Variants in TYRO3 observed in about 807,000 individuals in gnomAD.
TYRO3 encodes the protein TYRO3 protein tyrosine kinase, also known as tyrosine-protein kinase receptor TYRO3.
TYRO3 carries 38 observed loss-of-function variants against 95.2 expected under a neutral mutation model. That is an observed-to-expected ratio of 0.40 (90% CI 0.31 to 0.52). TYRO3 has a LOEUF of 0.52. Among genes scored for constraint, TYRO3 ranks in the 20% least tolerant of loss-of-function variants. TYRO3 has a pLI of 0.56. For missense variants in TYRO3, 812 were observed against 1,116.4 expected, an observed-to-expected ratio of 0.73 and a Z score of 3.89; for synonymous variants, 367 against 432.9, an observed-to-expected ratio of 0.85 and a Z score of 1.89.
Position 41,561,633 on chromosome 15 carries a change from G to A in TYRO3, c.403G>A (p.Val135Ile). 6.4e-7 allele frequency: 1 copy of A among 1,573,500 alleles called. No homozygotes were observed. Among genetic ancestry groups the A allele is most frequent in the Non-Finnish European group, 8.6e-7 (1 of 1,159,730 alleles). The change falls in exon 3 of 19, where the codon GTA becomes ATA. Residue 135 changes from valine (V) to isoleucine (I), a missense_variant. Transcript: ENST00000263798. ...TEISQPVWLT[V>I]EGVPFFTVEP... ...GATCTCCCAGCCAGTGTGGCTCACG[G>A]TAGAAGGTGAGGAGGCAGAGCCATA...
chr15:41,573,444 C>G lies in TYRO3; in HGVS notation c.2122C>G (p.Leu708Val), dbSNP rs1389938260. The G allele has an allele frequency of 6.2e-7, 1 of 1,614,140 alleles. No homozygotes were observed. The highest frequency in any genetic ancestry group is 8.5e-7 in the Non-Finnish European group (1 of 1,180,066). ...GGCCCTGGAGAGCCTGGCCGACAAC[C>G]TGTATACTGTGCAGAGTGACGTGGT... Reference protein sequence around the residue: ...WLALESLADNLYTVQSDVWAF... With the variant: ...WLALESLADNVYTVQSDVWAF... The change falls in exon 17 of 19, where the codon CTG becomes GTG. Residue 708 changes from leucine (L) to valine (V), a missense_variant. Leu to Val is a conservative substitution (Grantham distance 32). Coordinates refer to ENST00000263798, the MANE Select transcript of TYRO3 (RefSeq NM_006293.4).
chr15:41,561,272 C>T lies in TYRO3; in HGVS notation c.270C>T (p.Tyr90=), dbSNP rs769734698. Residue 90 remains tyrosine, a synonymous_variant, in exon 2 of 19, where the codon TAC becomes TAT. Transcript: ENST00000263798. ...TGGTCCAGAACTTGGACCAGTTGTACATCCCAGTCAGCGAGCAGCACTGGA... is the reference window on the plus strand; with the variant it reads ...TGGTCCAGAACTTGGACCAGTTGTATATCCCAGTCAGCGAGCAGCACTGGA... ...GAVVQNLDQL[Y]IPVSEQHWIG... is the part of the protein sequence containing the mutation. The T allele has an allele frequency of 6.2e-7, 1 of 1,614,052 alleles. No individual in the cohort carries two copies. Among genetic ancestry groups the T allele is most frequent in the Non-Finnish European group, 8.5e-7 (1 of 1,179,912 alleles).
rs2052126652 is a variant in TYRO3 at position 41,559,242 on chromosome 15, T to TGCG, written c.-12_-10dup. The TGCG allele has an allele frequency of 2.8e-6, 1 of 355,994 alleles. No individual in the cohort carries two copies. Among genetic ancestry groups the TGCG allele is most frequent in the Non-Finnish European group, 4.7e-6 (1 of 214,256 alleles). The allele number at this position is 355,994 out of a possible 1,614,324, so 22.1% of individuals were successfully genotyped here. A position where few individuals can be genotyped will look rare whatever the true frequency, so the allele number is the denominator to read the frequency against. On this transcript the variant is annotated 5_prime_UTR_variant, in exon 1 of 19. Coordinates refer to ENST00000263798, the MANE Select transcript of TYRO3 (RefSeq NM_006293.4). ...CGCTCGCGGGCCGGGCCCGGCATGG[T>TGCG]GCGGCGTCGCCGCCGATGGCGCTGA...
rs1379007474 is a variant in TYRO3 at position 41,580,581 on chromosome 15, T to C, written c.*2305T>C. ...CCCACCACCTAGAGATAATCACCATTGATCTTTTGAAAATGCAAATATTCA... is the reference window on the plus strand; with the variant it reads ...CCCACCACCTAGAGATAATCACCATCGATCTTTTGAAAATGCAAATATTCA... On this transcript the variant is annotated 3_prime_UTR_variant, in exon 19 of 19. Transcript: ENST00000263798. 6.6e-6 allele frequency: 1 copy of C among 151,380 alleles called. No homozygotes were observed. The highest frequency in any genetic ancestry group is 2.4e-5 in the African/African-American group (1 of 41,274). 9.4% of individuals were successfully genotyped at this position (151,380 alleles called of 1,614,324 possible).
rs926844603 is a variant in TYRO3 at position 41,559,323 on chromosome 15, G to T, written c.66G>T (p.Arg22=). Residue 22 remains arginine, a synonymous_variant, in exon 1 of 19, where the codon CGG becomes CGT. Coordinates refer to ENST00000263798, the MANE Select transcript of TYRO3 (RefSeq NM_006293.4). ...CGCTGCCGCTGCCGCCGCCACCGCG[G>T]CTCGGGCTGCTGCTGGCGGCTCTGG... ...LPPLPLPPPP[R]LGLLLAALAS... is the part of the protein sequence containing the mutation. The T allele has an allele frequency of 1.2e-5, 6 of 503,622 alleles. No individual in the cohort carries two copies. The highest frequency in any genetic ancestry group is 1.5e-5 in the Non-Finnish European group (5 of 333,048). 31.2% of individuals were successfully genotyped at this position (503,622 alleles called of 1,614,324 possible).
intron 18 of TYRO3, among the ~76,000 whole-genome samples, chr15:41,576,447 C>T (rs930627040): frequency 6.6e-6 from 1 of 152,010 alleles, no homozygotes; most frequent in African/African-American, 2.4e-5. Flanking sequence ...CCCACCTTGG[C>T]CTCCCAAAGG....
At position 41,568,451 on chromosome 15, in the gene TYRO3, T is replaced by C. The variant is rs1031084175; in HGVS notation, c.1107+89T>C. ...TTTAAGAATTTCAAAATGATTGTCT[T>C]TGGTGGGCCTGGGTCTCCCGCAGCC... On this transcript the variant is annotated intron_variant, in intron 8 of 18. Transcript: ENST00000263798. 8.0e-6 allele frequency: 11 copies of C among 1,383,170 alleles called. No individual in the cohort carries two copies. In the Admixed American group the frequency reaches 1.4e-4, roughly 17 times the overall value. The allele number at this position is 1,383,170 out of a possible 1,614,324, so 85.7% of individuals were successfully genotyped here.
chr15:41,573,271 G>C, intron 16 of TYRO3, 37 bp from the exon 17 acceptor site: 6 of 1,470,908 alleles, frequency 4.1e-6, no homozygotes, highest in Non-Finnish European at 5.6e-6. Flanking sequence ...TGTGAGCATG[G>C]CAGAAGGCTG....
At position 41,582,998 on chromosome 15, in the gene TYRO3, T is replaced by TTTTTTTTTTTG. The variant is rs1402071778; in HGVS notation, c.*4732_*4733insGTTTTTTTTTT. On this transcript the variant is annotated 3_prime_UTR_variant, in exon 19 of 19. Coordinates refer to ENST00000263798, the MANE Select transcript of TYRO3 (RefSeq NM_006293.4). Reference sequence around the variant, plus strand: ...ACTGCACCTGGCAAATTTTTAAGTGTTTTTTTTTTTTTTTAATACAGAGCC... The same window carrying TTTTTTTTTTTG: ...ACTGCACCTGGCAAATTTTTAAGTGTTTTTTTTTTTGTTTTTTTTTTTTTTAATACAGAGCC... 6 of 78,410 alleles carry TTTTTTTTTTTG rather than the reference T, an allele frequency of 7.7e-5. No individual in the cohort carries two copies. The highest frequency in any genetic ancestry group is 2.9e-4 in the African/African-American group (6 of 20,382). The allele number at this position is 78,410 out of a possible 1,614,324, so 4.9% of individuals were successfully genotyped here. A position where few individuals can be genotyped will look rare whatever the true frequency, so the allele number is the denominator to read the frequency against.
Position 41,578,591 on chromosome 15 carries a change from T to C in TYRO3, c.*315T>C. The stretch of plus-strand genomic sequence containing the variant: ...TGGTTACCATGGGTGTGGATGGCAG[T>C]GTGGGGAGGGCAGGTCCAGCTCTGT... On this transcript the variant is annotated 3_prime_UTR_variant, in exon 19 of 19. Transcript: ENST00000263798. The C allele has an allele frequency of 2.3e-6, 1 of 434,030 alleles. No individual in the cohort carries two copies. The highest frequency in any genetic ancestry group is 2.6e-5 in the South Asian group (1 of 38,246). The allele number at this position is 434,030 out of a possible 1,614,324, so 26.9% of individuals were successfully genotyped here. A position where few individuals can be genotyped will look rare whatever the true frequency, so the allele number is the denominator to read the frequency against.
rs777885537 is a variant in TYRO3 at position 41,578,358 on chromosome 15, C to T, written c.*82C>T. ...CTGACTAAGCCCCGTCTGACCCCAG[C>T]CCAGACAGCAAGGTGTGGAGGCTCC... On this transcript the variant is annotated 3_prime_UTR_variant, in exon 19 of 19. Coordinates refer to ENST00000263798, the MANE Select transcript of TYRO3 (RefSeq NM_006293.4). 10 of 1,549,438 alleles carry T rather than the reference C, an allele frequency of 6.5e-6. No homozygotes were observed. Among genetic ancestry groups the T allele is most frequent in the Admixed American group, 1.8e-5 (1 of 55,570 alleles).
intron 6 of TYRO3, among the ~76,000 whole-genome samples, chr15:41,565,991 G>T (rs746212409): frequency 6.6e-6 from 1 of 152,122 alleles, no homozygotes; most frequent in Non-Finnish European, 1.5e-5. Flanking sequence ...GGCAGGAGGG[G>T]CCCCTGCTCT....
chr15:41,565,877 G>A (rs554546793), intron 6 of TYRO3, among the ~76,000 whole-genome samples: 4 of 152,240 alleles, frequency 2.6e-5, no homozygotes, highest in Non-Finnish European at 5.9e-5. Context: ...ACTGTGTAAG[G>A]TGATACTAAA....
At chr15:41,572,772 G>T (rs933405621) in intron 15 of TYRO3, among the ~76,000 whole-genome samples, 1 of 152,222 alleles carries the variant, frequency 6.6e-6, no homozygotes, top group Non-Finnish European at 1.5e-5. Context: ...CTGGGCAAGG[G>T]CCCTTTCTAG....
Position 41,571,618 on chromosome 15 carries a change from A to G in TYRO3, c.1684A>G (p.Ile562Val), listed in dbSNP as rs750439717. 6.2e-7 allele frequency: 1 copy of G among 1,613,772 alleles called. No individual in the cohort carries two copies. Among genetic ancestry groups the G allele is most frequent in the South Asian group, 1.1e-5 (1 of 91,038 alleles). Residue 562 changes from isoleucine (I) to valine (V), a missense_variant, in exon 14 of 19, where the codon ATT becomes GTT. Coordinates refer to ENST00000263798, the MANE Select transcript of TYRO3 (RefSeq NM_006293.4). ...LKADIIASSD[I>V]EEFLREAACM... ...AGCTGACATCATTGCCTCAAGCGAC[A>G]TTGAAGAGTTCCTCAGGGAAGCAGC...
In TYRO3 at chr15:41,567,432, C is replaced by T. The variant is rs779699894; in HGVS notation, c.856C>T (p.Arg286Trp). 15 of 1,609,958 alleles carry T rather than the reference C, an allele frequency of 9.3e-6. No homozygotes were observed. Among genetic ancestry groups the T allele is most frequent in the East Asian group, 2.3e-5 (1 of 44,126 alleles). The part of the protein sequence containing the change: ...VPVPPFTCLL[R>W]DLVPATNYSL... ...TGTGCCCCCCTTTACCTGCCTGCTC[C>T]GGGACCTGGTGCCTGCCACCAACTA... Residue 286 changes from arginine (R) to tryptophan (W), a missense_variant, in exon 7 of 19, where the codon CGG (arginine) becomes TGG (tryptophan). Transcript: ENST00000263798.
intron 4 of TYRO3, among the ~76,000 whole-genome samples, chr15:41,563,911 G>A (rs567857448): frequency 1.4e-4 from 22 of 152,226 alleles, no homozygotes; most frequent in Admixed American, 2.0e-4. Context: ...GTGGTATAAC[G>A]TTTCTCAAGG....
At chr15:41,565,390 G>T (rs762741339) in intron 6 of TYRO3, among the ~76,000 whole-genome samples, 33 of 151,952 alleles carry the variant, frequency 2.2e-4, no homozygotes, top group Non-Finnish European at 3.5e-4. Flanking sequence ...AACAGATTTG[G>T]GGTACCTGGA....
chr15:41,572,161 A>C (rs912986516), intron 14 of TYRO3, among the ~76,000 whole-genome samples: 2 of 152,078 alleles, frequency 1.3e-5, no homozygotes, highest in African/African-American at 4.8e-5. Context: ...GCGCCACTGC[A>C]CTCCAGCCTA....
Sources: allele counts gnomAD v4.1 joint callset (sites outside exome capture counted in the v4.1 genomes callset), GRCh38; gene constraint gnomAD v4.1.1; transcripts MANE v1.5; gene names NCBI Gene and HGNC (gene_info 2026-07-23, HGNC 2026-07-21).